Variants in ROBO2 observed in about 807,000 individuals in gnomAD.
ROBO2 encodes the protein roundabout guidance receptor 2.
A neutral mutation model predicts 160.8 loss-of-function variants in ROBO2; 53 were observed. The observed-to-expected ratio is 0.33, with a 90% CI of 0.26 to 0.41. The LOEUF (loss-of-function observed/expected upper bound fraction) is 0.41. Ranked by LOEUF, ROBO2 falls within the 10% of genes least tolerant of loss-of-function variation. The pLI, the probability that ROBO2 is intolerant of heterozygous loss-of-function variation, is 1.00. For synonymous variants in ROBO2, 664 were observed against 611.7 expected, an observed-to-expected ratio of 1.09 and a Z score of -1.26; for missense variants, 1,577 against 1,722.4, an observed-to-expected ratio of 0.92 and a Z score of 1.49.
chr3:77,403,573 A>AGTGT (rs57545425), intron 2 of ROBO2, among the ~76,000 whole-genome samples: 3,214 of 129,252 alleles, frequency 0.025, 53 homozygotes, highest in African/African-American at 0.03. Context: ...TAGTTATTTC[A>AGTGT]GTGTGTGTGT....
intron 2 of ROBO2, among the ~76,000 whole-genome samples, chr3:76,229,746 G>T (rs1330775216): frequency 6.6e-6 from 1 of 152,032 alleles, no homozygotes; most frequent in African/African-American, 2.4e-5. Flanking sequence ...TAATAAAGCA[G>T]TAGAATAATA....
At chr3:76,057,694 C>A (rs1466518588) in intron 2 of ROBO2, among the ~76,000 whole-genome samples, 1 of 152,056 alleles carries the variant, frequency 6.6e-6, no homozygotes, top group Non-Finnish European at 1.5e-5. Context: ...CGCCGACCAA[C>A]AAGACCAGAT....
intron 2 of ROBO2, among the ~76,000 whole-genome samples, chr3:76,722,090 A>G (rs1667624324): frequency 1.3e-5 from 2 of 152,156 alleles, no homozygotes; most frequent in South Asian, 4.1e-4. Flanking sequence ...TGAAGGCAGG[A>G]AAGAGTGAAC....
At chr3:76,534,430 A>G (rs1034432848) in intron 2 of ROBO2, among the ~76,000 whole-genome samples, 3 of 152,146 alleles carry the variant, frequency 2.0e-5, no homozygotes, top group African/African-American at 7.2e-5. Context: ...TATGAATAGG[A>G]TTCCCTGTTG....
intron 2 of ROBO2, among the ~76,000 whole-genome samples, chr3:76,784,576 A>C (rs1054472738): frequency 4.0e-5 from 6 of 151,148 alleles, no homozygotes; most frequent in African/African-American, 1.2e-4. Context: ...ATCTATGTAG[A>C]TATATTGAGT....
At chr3:76,761,495 T>TG (rs1211266448) in intron 2 of ROBO2, among the ~76,000 whole-genome samples, 3 of 151,794 alleles carry the variant, frequency 2.0e-5, no homozygotes, top group Non-Finnish European at 2.9e-5. Context: ...CTTTACCATA[T>TG]GGCATATAAC....
At chr3:76,124,310 C>T (rs1343166036) in intron 2 of ROBO2, among the ~76,000 whole-genome samples, 2 of 152,050 alleles carry the variant, frequency 1.3e-5, no homozygotes, top group Non-Finnish European at 2.9e-5. Flanking sequence ...GTGTTATTTA[C>T]AATGGATTAT....
intron 2 of ROBO2, among the ~76,000 whole-genome samples, chr3:77,361,721 C>T (rs1372386353): frequency 6.6e-6 from 1 of 152,112 alleles, no homozygotes; most frequent in Non-Finnish European, 1.5e-5. Context: ...CACCCTTGGC[C>T]CCGACCTCTT....
intron 6 of ROBO2, among the ~76,000 whole-genome samples, chr3:77,544,667 T>G (rs2153647377): frequency 6.6e-6 from 1 of 152,208 alleles, no homozygotes; most frequent in Admixed American, 6.6e-5. Context: ...TCTTTTCTCC[T>G]GAAGGACTGA....
At chr3:77,021,589 CCAAAGTAAAATCTGAA>C (rs146055031) in intron 2 of ROBO2, among the ~76,000 whole-genome samples, 6,257 of 152,240 alleles carry the variant, frequency 0.041, 188 homozygotes, top group Middle Eastern at 0.078. Context: ...CACAGGAAGG[CCAAAGTAAAATCTGAA>C]CAAATGTATC....
chr3:76,912,453 A>C (rs1488047922), intron 2 of ROBO2, among the ~76,000 whole-genome samples: 1 of 152,240 alleles, frequency 6.6e-6, no homozygotes, highest in East Asian at 1.9e-4. Flanking sequence ...AATGTCCATC[A>C]AGGAACATAA....
At chr3:77,458,670 AT>A (rs1173637861) in intron 2 of ROBO2, among the ~76,000 whole-genome samples, 11 of 152,076 alleles carry the variant, frequency 7.2e-5, no homozygotes, top group African/African-American at 2.7e-4. Flanking sequence ...AGCAAGTGTC[AT>A]CATGAATTTT....
chr3:77,534,102 G>A (rs1006902817), intron 6 of ROBO2, among the ~76,000 whole-genome samples: 2 of 152,204 alleles, frequency 1.3e-5, no homozygotes, highest in East Asian at 3.9e-4. Context: ...GGTGTCCAGT[G>A]TGCATCCTCA....
At chr3:76,123,616 T>G (rs535399512) in intron 2 of ROBO2, among the ~76,000 whole-genome samples, 44 of 152,274 alleles carry the variant, frequency 2.9e-4, no homozygotes, top group African/African-American at 1.0e-3. Flanking sequence ...CTAACTATGT[T>G]TTGGACTCTC....
intron 2 of ROBO2, among the ~76,000 whole-genome samples, chr3:77,338,486 G>A (rs1034124438): frequency 3.3e-5 from 5 of 152,076 alleles, no homozygotes; most frequent in African/African-American, 4.8e-5. Context: ...AAGATAAAAC[G>A]CAGAAAGCAA....
intron 2 of ROBO2, among the ~76,000 whole-genome samples, chr3:76,711,858 G>A (rs1475496206): frequency 6.6e-6 from 1 of 152,130 alleles, no homozygotes; most frequent in Non-Finnish European, 1.5e-5. Flanking sequence ...TGGGAGCCAC[G>A]TTTTATGACT....
intron 2 of ROBO2, among the ~76,000 whole-genome samples, chr3:76,178,169 A>G (rs1170256557): frequency 6.6e-6 from 1 of 152,134 alleles, no homozygotes; most frequent in African/African-American, 2.4e-5. Context: ...TTTCCTTTCC[A>G]TCTTAAAAAC....
intron 2 of ROBO2, among the ~76,000 whole-genome samples, chr3:76,299,278 C>T (rs868709805): frequency 2.0e-5 from 3 of 152,242 alleles, no homozygotes; most frequent in African/African-American, 7.2e-5. Flanking sequence ...GGATAGGAAG[C>T]GTGGGGCTTC....
At chr3:76,506,093 C>T (rs1022967057) in intron 2 of ROBO2, among the ~76,000 whole-genome samples, 1 of 152,190 alleles carries the variant, frequency 6.6e-6, no homozygotes, top group African/African-American at 2.4e-5. Flanking sequence ...CCTGAAACAG[C>T]TCTGCCAGCG....
Sources: gnomAD v4.1 joint callset for allele counts (sites outside exome capture counted in the v4.1 genomes callset) on GRCh38, gnomAD v4.1.1 for gene constraint, MANE v1.5 for transcripts, NCBI Gene and HGNC (gene_info 2026-07-23, HGNC 2026-07-21) for gene names.